Variants in UGGT2 observed in about 807,000 individuals in gnomAD.
UGGT2 encodes UDP-glucose glycoprotein glucosyltransferase 2.
A neutral mutation model predicts 192.1 loss-of-function variants in UGGT2; 180 were observed. The ratio of observed to expected loss-of-function variants is 0.94; its 90% confidence interval spans 0.83 to 1.06. The LOEUF (loss-of-function observed/expected upper bound fraction) is 1.06, where lower values mean the gene tolerates loss of function less well. Among genes scored for constraint, UGGT2 ranks in the 50% least tolerant of loss-of-function variants. The pLI is 0.00. For missense variants in UGGT2, 1,849 were observed against 1,795.7 expected, an observed-to-expected ratio of 1.03 and a Z score of -0.54; for synonymous variants, 580 against 591.0, an observed-to-expected ratio of 0.98 and a Z score of 0.27.
chr13:95,949,467 G>A lies in UGGT2; in HGVS notation c.1336-13C>T, dbSNP rs756687152. ...AGTCATTAATCCACTAGAAAAGAAC[G>A]CAGACACTTGTGAAAGCTATATTAA... On this transcript the variant is annotated splice_polypyrimidine_tract_variant and intron_variant, in intron 12 of 38. Coordinates refer to ENST00000376747, the MANE Select transcript of UGGT2 (RefSeq NM_020121.4). 18 of 1,446,312 alleles carry A rather than the reference G, an allele frequency of 1.2e-5. No individual in the cohort carries two copies. Among genetic ancestry groups the A allele is most frequent in the South Asian group, 9.9e-5 (6 of 60,644 alleles). 89.6% of individuals were successfully genotyped at this position (1,446,312 alleles called of 1,614,324 possible).
intron 1 of UGGT2, among the ~76,000 whole-genome samples, chr13:96,050,321 A>C (rs2053448299): frequency 6.6e-6 from 1 of 152,246 alleles, no homozygotes; most frequent in Non-Finnish European, 1.5e-5. Context: ...CCTTATACAA[A>C]AATTAATTCA....
chr13:95,965,964 C>A (rs999989955), intron 12 of UGGT2, among the ~76,000 whole-genome samples: 2 of 151,934 alleles, frequency 1.3e-5, no homozygotes, highest in Non-Finnish European at 2.9e-5. Context: ...CTAGTATAAC[C>A]ACAATGGAAA....
chr13:96,016,267 G>A (rs1345960830), intron 4 of UGGT2, among the ~76,000 whole-genome samples: 1 of 152,170 alleles, frequency 6.6e-6, no homozygotes, highest in African/African-American at 2.4e-5. Flanking sequence ...ATCTAAGTGG[G>A]CTATTGGGCA....
At chr13:96,029,004 A>G (rs2052749248) in intron 2 of UGGT2, among the ~76,000 whole-genome samples, 1 of 151,850 alleles carries the variant, frequency 6.6e-6, no homozygotes, top group African/African-American at 2.4e-5. Context: ...ACAAAAAATT[A>G]GCCGGGCGTG....
At chr13:95,849,173 T>C (rs905768494) in intron 36 of UGGT2, among the ~76,000 whole-genome samples, 10 of 152,066 alleles carry the variant, frequency 6.6e-5, no homozygotes, top group African/African-American at 1.2e-4. Flanking sequence ...ATGATATTAT[T>C]AAAAAGAAAA....
chr13:95,849,403 C>T lies in UGGT2; in HGVS notation c.4284+4140G>A, dbSNP rs559797000. Among the ~76,000 whole-genome samples the T allele has an allele frequency of 1.8e-4, 28 of 151,924 alleles. No individual in the cohort carries two copies. In the East Asian group the frequency reaches 3.3e-3, roughly 18 times the overall value. ...ACAAAAATACAAAAAATTAGCTGGG[C>T]GTGGTGGCAAGCGCCTGTAGTCCCA... On this transcript the variant is annotated intron_variant, in intron 36 of 38. Coordinates refer to ENST00000376747, the MANE Select transcript of UGGT2 (RefSeq NM_020121.4).
At chr13:95,982,501 C>T (rs1040600800) in intron 10 of UGGT2, among the ~76,000 whole-genome samples, 2 of 152,152 alleles carry the variant, frequency 1.3e-5, no homozygotes, top group Non-Finnish European at 1.5e-5. Context: ...GTCAGCCTTC[C>T]CCATGCATTA....
intron 12 of UGGT2, among the ~76,000 whole-genome samples, chr13:95,958,297 G>A (rs954330982): frequency 2.0e-5 from 3 of 151,916 alleles, no homozygotes; most frequent in East Asian, 1.9e-4. Context: ...GACTACAGAC[G>A]CCCGCCACCA....
chr13:95,914,956 A>C (rs1233204615), intron 20 of UGGT2, among the ~76,000 whole-genome samples: 2 of 152,234 alleles, frequency 1.3e-5, no homozygotes, highest in African/African-American at 4.8e-5. Context: ...ATGTAAAGTG[A>C]CATGCAAAAT....
At chr13:95,847,845 G>A (rs770662225) in intron 36 of UGGT2, among the ~76,000 whole-genome samples, 5 of 152,196 alleles carry the variant, frequency 3.3e-5, no homozygotes, top group Non-Finnish European at 7.4e-5. Context: ...TAAATTGTAT[G>A]GTAAGAGTTT....
chr13:96,042,397 G>C (rs1014466375), intron 1 of UGGT2, among the ~76,000 whole-genome samples: 1 of 152,266 alleles, frequency 6.6e-6, no homozygotes, highest in East Asian at 1.9e-4. Flanking sequence ...CCCTCTGACA[G>C]AGCCTACCCA....
chr13:96,014,646 C>T (rs1399152247), intron 4 of UGGT2, among the ~76,000 whole-genome samples: 1 of 152,050 alleles, frequency 6.6e-6, no homozygotes, highest in East Asian at 1.9e-4. Flanking sequence ...CTTCTGTAAC[C>T]GATGAAGAGA....
intron 5 of UGGT2, among the ~76,000 whole-genome samples, chr13:96,008,240 G>T (rs184281892): frequency 1.3e-5 from 2 of 152,132 alleles, no homozygotes; most frequent in African/African-American, 4.8e-5. Flanking sequence ...AATCAACACA[G>T]TGAAGAGCCA....
intron 16 of UGGT2, among the ~76,000 whole-genome samples, chr13:95,939,339 C>G (rs1288578933): frequency 6.6e-6 from 1 of 152,182 alleles, no homozygotes; most frequent in Non-Finnish European, 1.5e-5. Flanking sequence ...TCCTTATCCC[C>G]ATACCCCAGA....
At chr13:95,991,659 C>A (rs1042179701) in intron 7 of UGGT2, among the ~76,000 whole-genome samples, 5 of 152,042 alleles carry the variant, frequency 3.3e-5, no homozygotes, top group Non-Finnish European at 4.4e-5. Flanking sequence ...AAAAGAAGTT[C>A]ACTATGAATT....
chr13:96,030,663 T>C (rs1422529090), intron 2 of UGGT2, among the ~76,000 whole-genome samples: 1 of 152,212 alleles, frequency 6.6e-6, no homozygotes, highest in Non-Finnish European at 1.5e-5. Flanking sequence ...ACTATTTTAA[T>C]CACCAATAGT....
chr13:95,851,969 T>C (rs2140025325), intron 36 of UGGT2, among the ~76,000 whole-genome samples: 1 of 152,292 alleles, frequency 6.6e-6, no homozygotes, highest in South Asian at 2.1e-4. Context: ...TGGCATGTTA[T>C]TGAGGGTTAC....
At chr13:95,989,713 C>G (rs1392964420) in intron 8 of UGGT2, 3 of 272,922 alleles carry the variant, frequency 1.1e-5, no homozygotes, top group Non-Finnish European at 2.1e-5. Context: ...TGAGACTAAC[C>G]TATAAATCAG....
At chr13:96,004,439 T>C (rs1394711148) in intron 5 of UGGT2, among the ~76,000 whole-genome samples, 1 of 152,062 alleles carries the variant, frequency 6.6e-6, no homozygotes, top group African/African-American at 2.4e-5. Context: ...CTAGTGGGGA[T>C]GTGGGGATTA....
Sources: allele counts gnomAD v4.1 joint callset (sites outside exome capture counted in the v4.1 genomes callset), GRCh38; gene constraint gnomAD v4.1.1; transcripts MANE v1.5; gene names NCBI Gene and HGNC (gene_info 2026-07-23, HGNC 2026-07-21).